Variants in ETV4 observed in about 807,000 individuals in gnomAD.
ETV4 encodes ETS variant transcription factor 4.
ETV4 carries 42 observed loss-of-function variants against 65.9 expected under a neutral mutation model. The ratio of observed to expected loss-of-function variants is 0.64; its 90% confidence interval spans 0.50 to 0.82. ETV4 has a LOEUF of 0.82. Among genes scored for constraint, ETV4 ranks in the 40% least tolerant of loss-of-function variants. The pLI is 0.00. For missense variants in ETV4, 583 were observed against 630.3 expected, an observed-to-expected ratio of 0.92 and a Z score of 0.80; for synonymous variants, 238 against 260.0, an observed-to-expected ratio of 0.92 and a Z score of 0.81.
Position 43,528,581 on chromosome 17 carries a change from A to G in ETV4, c.1393T>C (p.Tyr465His), listed in dbSNP as rs561366431. 8.1e-6 allele frequency: 13 copies of G among 1,614,044 alleles called. No homozygotes were observed. In the Admixed American group the frequency reaches 2.2e-4, roughly 27 times the overall value. ...GCGGGGCCAGCCAGCTCTGGGAGGT[A>G]GGCGGGGCTCTCATCCAAGTGGGAC... ...PLSHLDESPAYLPELAGPAQP... is the reference protein window; with the variant it reads ...PLSHLDESPAHLPELAGPAQP... The change falls in exon 13 of 13, where the codon TAC becomes CAC. Residue 465 changes from tyrosine (Y) to histidine (H), a missense_variant. By Grantham distance (83) the Tyr-to-His change is moderately conservative (BLOSUM62 2). Transcript: ENST00000319349.
Position 43,536,535 on chromosome 17 carries a change from G to A in ETV4, c.203-56C>T, listed in dbSNP as rs984845503. 4 of 1,533,388 alleles carry A rather than the reference G, an allele frequency of 2.6e-6. No individual in the cohort carries two copies. In the African/African-American group the frequency reaches 5.5e-5, roughly 21 times the overall value. The allele number at this position is 1,533,388 out of a possible 1,614,324, so 95.0% of individuals were successfully genotyped here. On this transcript the variant is annotated intron_variant, in intron 4 of 12. Transcript: ENST00000319349. ...GCGGAGCCCTGGTTGTCCCCTGGGAGGCTCCATTATTACAGCCCTGCAGAT... is the reference window on the plus strand; with the variant it reads ...GCGGAGCCCTGGTTGTCCCCTGGGAAGCTCCATTATTACAGCCCTGCAGAT...
At position 43,545,616 on chromosome 17, in the gene ETV4, ATCCGGCCGCTCCC is replaced by A. The variant is rs2154587341; in HGVS notation, c.-12_1del. 10 of 1,550,634 alleles carry A rather than the reference ATCCGGCCGCTCCC, an allele frequency of 6.4e-6. No homozygotes were observed. Among genetic ancestry groups the A allele is most frequent in the Middle Eastern group, 1.8e-4 (1 of 5,630 alleles). The stretch of plus-strand genomic sequence containing the variant: ...GTATCCGGCTTTCATCCTCCGCTCC[ATCCGGCCGCTCCC>A]TCCGGCCGCACGGCCGGGGCCCCAA... On this transcript the variant is annotated start_lost and start_retained_variant and 5_prime_UTR_variant, in exon 2 of 13. Transcript: ENST00000319349.
intron 4 of ETV4, among the ~76,000 whole-genome samples, chr17:43,540,076 A>G (rs1052922386): frequency 3.3e-5 from 5 of 152,236 alleles, no homozygotes; most frequent in African/African-American, 1.2e-4. Flanking sequence ...CAGCCAGCAC[A>G]CATCTTTTCA....
chr17:43,545,934 CGTGTGT>C (rs531139204), intron 1 of ETV4: 3,978 of 263,210 alleles, frequency 0.015, 58 homozygotes, highest in East Asian at 0.044. Flanking sequence ...TACATAAGAA[CGTGTGT>C]GTGTGTGTGT....
chr17:43,541,156 T>A (rs376156513), intron 4 of ETV4, among the ~76,000 whole-genome samples: 1 of 151,922 alleles, frequency 6.6e-6, no homozygotes, highest in African/African-American at 2.4e-5. Flanking sequence ...CCAGGAGAAA[T>A]CTGTCCTAGC....
chr17:43,529,569 T>C lies in ETV4; in HGVS notation c.1063A>G (p.Thr355Ala), dbSNP rs1970776746. ...QFLVALLDDP[T>A]NAHFIAWTGR... is the part of the protein sequence containing the mutation. ...GTCCAGGCAATGAAATGGGCATTTG[T>C]TGGGTCATCCAGCAAGGCCACCAGA... The change falls in exon 11 of 13, where the codon ACA (threonine) becomes GCA (alanine). Residue 355 changes from threonine (T) to alanine (A), a missense_variant. By Grantham distance (58) the Thr-to-Ala change is moderately conservative (BLOSUM62 0). Transcript: ENST00000319349. The C allele has an allele frequency of 1.2e-6, 2 of 1,613,980 alleles. No individual in the cohort carries two copies. The highest frequency in any genetic ancestry group is 1.7e-5 in the Admixed American group (1 of 60,004).
chr17:43,545,826 A>T (rs1339533819), intron 1 of ETV4, 158 bp from the exon 2 acceptor site: 11 of 595,646 alleles, frequency 1.8e-5, no homozygotes, highest in Middle Eastern at 4.4e-4. Context: ...CGCCACCACC[A>T]CTCCCCTCCC....
At chr17:43,538,140 CAA>C (rs34924870) in intron 4 of ETV4, among the ~76,000 whole-genome samples, 2,173 of 110,708 alleles carry the variant, frequency 0.02, 49 homozygotes, top group African/African-American at 0.065. Flanking sequence ...GACTCCATTT[CAA>C]AAAAAAAAAA....
At chr17:43,530,455 T>C (rs1317789451) in intron 8 of ETV4, 6 of 1,348,036 alleles carry the variant, frequency 4.5e-6, no homozygotes, top group Non-Finnish European at 5.7e-6. Flanking sequence ...GGGCCCAAGC[T>C]GCCAGGGAGC....
chr17:43,542,780 C>T (rs1428756307), intron 4 of ETV4, among the ~76,000 whole-genome samples: 1 of 152,198 alleles, frequency 6.6e-6, no homozygotes, highest in East Asian at 1.9e-4. Context: ...TCTTCACAGA[C>T]CCACCCACAC....
chr17:43,537,769 C>T (rs942111277), intron 4 of ETV4, among the ~76,000 whole-genome samples: 4 of 151,548 alleles, frequency 2.6e-5, no homozygotes, highest in Non-Finnish European at 4.4e-5. Flanking sequence ...CCGTGGTGGG[C>T]GGATCACGAG....
chr17:43,542,662 G>T lies in ETV4; in HGVS notation c.202+2313C>A, dbSNP rs55814309. 1.7e-3 allele frequency among the ~76,000 whole-genome samples: 265 copies of T among 152,064 alleles called. 2 individuals are homozygous for T. The highest frequency in any genetic ancestry group is 2.7e-3 in the Non-Finnish European group (186 of 67,968). ...ATATGTGAGCTGCCTCCATAAAGCC[G>T]CACTCACACTCACCCTTCAACGCCC... On this transcript the variant is annotated intron_variant, in intron 4 of 12. Transcript: ENST00000319349.
At chr17:43,533,402 T>C in intron 6 of ETV4, 54 bp from the exon 7 acceptor site, 1 of 1,532,200 alleles carries the variant, frequency 6.5e-7, no homozygotes, top group Non-Finnish European at 9.0e-7. Context: ...GAAAGCATCT[T>C]TGAACCCTTC....
rs1418499327 is a variant in ETV4 at position 43,532,887 on chromosome 17, C to T, written c.598G>A (p.Gly200Arg). The T allele has an allele frequency of 6.2e-7, 1 of 1,604,278 alleles. No homozygotes were observed. Among genetic ancestry groups the T allele is most frequent in the Admixed American group, 1.7e-5 (1 of 58,848 alleles). ...GGGGCTGGGAGGGGTTCCCGGCCCC[C>T]TCCCTGAGATGTGAAGGAGTGGCAA... Reference protein sequence around the residue: ...DICHSFTSQGGGREPLPAPYQ... With the variant: ...DICHSFTSQGRGREPLPAPYQ... Residue 200 changes from glycine to arginine, a missense_variant, in exon 8 of 13, where the codon GGG (glycine) becomes AGG (arginine). Gly to Arg is a moderately radical substitution (Grantham distance 125, BLOSUM62 -2). Transcript: ENST00000319349.
Position 43,528,643 on chromosome 17 carries a change from A to T in ETV4, c.1331T>A (p.Phe444Tyr). Residue 444 changes from phenylalanine to tyrosine, a missense_variant, in exon 13 of 13, where the codon TTT becomes TAT. By Grantham distance (22) the Phe-to-Tyr change is conservative (BLOSUM62 3). Coordinates refer to ENST00000319349, the MANE Select transcript of ETV4 (RefSeq NM_001079675.5). ...DNQRPALKAE[F>Y]DRPVSEEDTV... The stretch of plus-strand genomic sequence containing the variant: ...GTCCTCCTCACTGACAGGCCGGTCA[A>T]ACTCAGCCTTGAGAGCTGGACGCTG... 6.2e-7 allele frequency: 1 copy of T among 1,614,210 alleles called. No homozygotes were observed. Among genetic ancestry groups the T allele is most frequent in the Non-Finnish European group, 8.5e-7 (1 of 1,180,024 alleles).
chr17:43,536,592 T>C, intron 4 of ETV4, 113 bp from the exon 5 acceptor site: 1 of 843,846 alleles, frequency 1.2e-6, no homozygotes, highest in Non-Finnish European at 2.0e-6. Context: ...CAACAGCCTT[T>C]AGATCAGGGG....
At chr17:43,539,873 T>C (rs1338392282) in intron 4 of ETV4, among the ~76,000 whole-genome samples, 1 of 152,244 alleles carries the variant, frequency 6.6e-6, no homozygotes, top group Non-Finnish European at 1.5e-5. Context: ...GCCAAGTGTT[T>C]ATAAACATAG....
intron 4 of ETV4, among the ~76,000 whole-genome samples, chr17:43,538,092 G>GATC (rs1310663435): frequency 1.4e-5 from 2 of 145,880 alleles, no homozygotes; most frequent in African/African-American, 5.1e-5. Context: ...AGTGAGCCAA[G>GATC]ATCAGGCCAC....
Position 43,528,672 on chromosome 17 carries a change from G to T in ETV4, c.1302C>A (p.Asp434Glu), listed in dbSNP as rs376423516. The T allele has an allele frequency of 6.2e-7, 1 of 1,614,184 alleles. No homozygotes were observed. The highest frequency in any genetic ancestry group is 1.3e-5 in the African/African-American group (1 of 75,044). Residue 434 changes from aspartate (D) to glutamate (E), a missense_variant, in exon 13 of 13, where the codon GAC (aspartate) becomes GAA (glutamate). Physicochemically the swap from Asp to Glu is conservative, Grantham distance 45 (BLOSUM62 2). Transcript: ENST00000319349. ...CAGCCTTGAGAGCTGGACGCTGATT[G>T]TCCGGGAAGGCCAAAGAGAAGAGGG... ...PEALFSLAFP[D>E]NQRPALKAEF...
Sources: gnomAD v4.1 joint callset for allele counts (sites outside exome capture counted in the v4.1 genomes callset) on GRCh38, gnomAD v4.1.1 for gene constraint, MANE v1.5 for transcripts, NCBI Gene and HGNC (gene_info 2026-07-23, HGNC 2026-07-21) for gene names.